The following TLK1 variants were observed in gnomAD, a reference collection of about 807,000 sequenced individuals.
TLK1 encodes tousled like kinase 1.
A neutral mutation model predicts 105.3 loss-of-function variants in TLK1; 24 were observed. The observed-to-expected ratio is 0.23, with a 90% CI of 0.17 to 0.32. The LOEUF is 0.32. Among genes scored for constraint, TLK1 ranks in the 10% least tolerant of loss-of-function variants. The pLI, the probability that TLK1 is intolerant of heterozygous loss-of-function variation, is 1.00. For missense variants in TLK1, 558 were observed against 910.5 expected, an observed-to-expected ratio of 0.61 and a Z score of 4.98; for synonymous variants, 321 against 310.4, an observed-to-expected ratio of 1.03 and a Z score of -0.36.
intron 2 of TLK1, among the ~76,000 whole-genome samples, chr2:171,099,067 A>G (rs1216228068): frequency 6.6e-6 from 1 of 152,216 alleles, no homozygotes; most frequent in East Asian, 1.9e-4. Context: ...TGGATGTTCT[A>G]GTCAATGAAA....
At chr2:171,217,143 C>T (rs1197685790) in intron 1 of TLK1, among the ~76,000 whole-genome samples, 1 of 152,178 alleles carries the variant, frequency 6.6e-6, no homozygotes, top group East Asian at 1.9e-4. Flanking sequence ...GAAACAAAAA[C>T]CTGAGTTATT....
At chr2:171,159,177 A>C (rs556235193) in intron 1 of TLK1, among the ~76,000 whole-genome samples, 48 of 152,324 alleles carry the variant, frequency 3.2e-4, no homozygotes, top group Non-Finnish European at 3.2e-4. Flanking sequence ...TAAAACATTC[A>C]CTAGACGGTT....
At chr2:171,198,908 A>G (rs1558988759) in intron 1 of TLK1, among the ~76,000 whole-genome samples, 1 of 152,234 alleles carries the variant, frequency 6.6e-6, no homozygotes, top group Non-Finnish European at 1.5e-5. Context: ...AATAGATTCA[A>G]ATGAACAAAG....
At chr2:171,011,724 A>G (rs1684924797) in intron 13 of TLK1, among the ~76,000 whole-genome samples, 1 of 152,132 alleles carries the variant, frequency 6.6e-6, no homozygotes, top group South Asian at 2.1e-4. Flanking sequence ...AAGACCTAAT[A>G]ATTACTGCAT....
intron 2 of TLK1, among the ~76,000 whole-genome samples, chr2:171,102,063 C>T (rs930994812): frequency 1.3e-5 from 2 of 152,118 alleles, no homozygotes; most frequent in African/African-American, 4.8e-5. Flanking sequence ...TTGGTTCCTC[C>T]CTTCTCACTC....
chr2:171,201,720 T>C lies in TLK1; in HGVS notation c.-6+29425A>G, dbSNP rs115290744. On this transcript the variant is annotated intron_variant, in intron 1 of 20. Transcript: ENST00000521943. ...TCAGGGATTCTTTCACTTAAAGTTTTCTGTTCCTTAAAGGGAGCTGTTCCA... is the reference window on the plus strand; with the variant it reads ...TCAGGGATTCTTTCACTTAAAGTTTCCTGTTCCTTAAAGGGAGCTGTTCCA... 6.2e-3 allele frequency among the ~76,000 whole-genome samples: 950 copies of C among 152,304 alleles called. 12 individuals are homozygous for C. The highest frequency in any genetic ancestry group is 0.022 in the African/African-American group (902 of 41,572).
chr2:171,034,865 TTATACTTAGTATAAG>T (rs1686244027), intron 11 of TLK1, among the ~76,000 whole-genome samples: 1 of 152,224 alleles, frequency 6.6e-6, no homozygotes, highest in Non-Finnish European at 1.5e-5. Flanking sequence ...GTGCAATTAC[TTATACTTAGTATAAG>T]TATAATGGCT....
intron 3 of TLK1, among the ~76,000 whole-genome samples, chr2:171,077,093 T>C (rs1688549022): frequency 6.6e-6 from 1 of 152,190 alleles, no homozygotes; most frequent in Non-Finnish European, 1.5e-5. Flanking sequence ...GTAAACTCTC[T>C]TCTCTGGTCC....
At chr2:171,107,506 T>G (rs1168994964) in intron 2 of TLK1, among the ~76,000 whole-genome samples, 1 of 152,200 alleles carries the variant, frequency 6.6e-6, no homozygotes, top group South Asian at 2.1e-4. Context: ...GAGACTATTA[T>G]GTATTATAAC....
intron 12 of TLK1, among the ~76,000 whole-genome samples, chr2:171,016,029 G>C (rs1487146776): frequency 6.6e-6 from 1 of 152,054 alleles, no homozygotes; most frequent in African/African-American, 2.4e-5. Context: ...AGCAAGCTGA[G>C]ATCGTGCCAC....
intron 1 of TLK1, among the ~76,000 whole-genome samples, chr2:171,157,026 G>T (rs1379790056): frequency 6.6e-6 from 1 of 152,062 alleles, no homozygotes; most frequent in Non-Finnish European, 1.5e-5. Flanking sequence ...GGCTGGTCTT[G>T]AACTCCTGAG....
intron 12 of TLK1, among the ~76,000 whole-genome samples, chr2:171,022,020 T>C (rs1352315317): frequency 1.3e-5 from 2 of 150,870 alleles, no homozygotes; most frequent in African/African-American, 2.4e-5. Flanking sequence ...GGAGAATCGA[T>C]TGAACCTGGG....
intron 4 of TLK1, among the ~76,000 whole-genome samples, chr2:171,060,291 A>G (rs972623506): frequency 3.9e-5 from 6 of 152,150 alleles, no homozygotes; most frequent in Non-Finnish European, 8.8e-5. Context: ...AACCTGGGGG[A>G]GGCTACACTA....
chr2:171,047,622 C>G lies in TLK1; in HGVS notation c.981-1260G>C, dbSNP rs544677557. 9.3e-4 allele frequency among the ~76,000 whole-genome samples: 141 copies of G among 152,152 alleles called. 1 individual carries two copies. Among genetic ancestry groups the G allele is most frequent in the South Asian group, 7.5e-3 (36 of 4,824 alleles). Reference sequence around the variant, plus strand: ...CTTTAATCCGGTTTTCATTTAGAAGCAGGAATAAATTTCAATTTTTAATAA... The same window carrying G: ...CTTTAATCCGGTTTTCATTTAGAAGGAGGAATAAATTTCAATTTTTAATAA... On this transcript the variant is annotated intron_variant, in intron 10 of 20. Transcript: ENST00000431350.
intron 2 of TLK1, among the ~76,000 whole-genome samples, chr2:171,088,986 G>A (rs988446434): frequency 1.3e-5 from 2 of 152,212 alleles, no homozygotes; most frequent in Non-Finnish European, 2.9e-5. Context: ...CCGGGCTCAA[G>A]TGATTCTGCC....
At chr2:171,174,536 T>G (rs1331660378) in intron 1 of TLK1, among the ~76,000 whole-genome samples, 1 of 152,188 alleles carries the variant, frequency 6.6e-6, no homozygotes, top group East Asian at 1.9e-4. Flanking sequence ...GCTCTCTATC[T>G]CCTTGCTCCC....
At chr2:171,045,160 G>T (rs992749913) in intron 11 of TLK1, 2 of 151,296 alleles carry the variant, frequency 1.3e-5, no homozygotes, top group African/African-American at 2.4e-5. Context: ...ATGGATGACA[G>T]ACAATCTTTC....
At chr2:171,022,844 C>A in intron 12 of TLK1, 1 of 250,788 alleles carries the variant, frequency 4.0e-6, no homozygotes, top group African/African-American at 2.3e-5. Flanking sequence ...GGACATCAAA[C>A]TTCAAGAATA....
chr2:171,138,134 G>A (rs1691415995), intron 1 of TLK1, among the ~76,000 whole-genome samples: 2 of 151,974 alleles, frequency 1.3e-5, no homozygotes, highest in South Asian at 4.1e-4. Context: ...TAGAGATAGG[G>A]GTTGTAATTT....
Sources: gnomAD v4.1 joint callset for allele counts (sites outside exome capture counted in the v4.1 genomes callset) on GRCh38, gnomAD v4.1.1 for gene constraint, MANE v1.5 for transcripts, NCBI Gene and HGNC (gene_info 2026-07-23, HGNC 2026-07-21) for gene names.